The following MCTP2 variants were observed in gnomAD, a reference collection of about 807,000 sequenced individuals.
MCTP2 encodes multiple C2 and transmembrane domain-containing protein 2.
MCTP2 carries 132 observed loss-of-function variants against 111.6 expected under a neutral mutation model. That is an observed-to-expected ratio of 1.18 (90% CI 1.03 to 1.37). MCTP2 has a LOEUF of 1.37. Among genes scored for constraint, MCTP2 ranks in the 40% most tolerant of loss-of-function variants. The pLI, the probability that MCTP2 is intolerant of heterozygous loss-of-function variation, is 0.00. For missense variants in MCTP2, 1,183 were observed against 1,067.9 expected, an observed-to-expected ratio of 1.11 and a Z score of -1.50; for synonymous variants, 395 against 387.7, an observed-to-expected ratio of 1.02 and a Z score of -0.22.
chr15:94,409,882 TC>T (rs757159526), intron 17 of MCTP2, among the ~76,000 whole-genome samples: 1 of 125,174 alleles, frequency 8.0e-6, no homozygotes, highest in African/African-American at 3.0e-5. Flanking sequence ...CCCCTCCCTT[TC>T]CCCCTCCCTC....
chr15:94,255,537 T>C lies in MCTP2; in HGVS notation c.-66+23873T>C, dbSNP rs115086718. Among the ~76,000 whole-genome samples, 480 of 152,268 alleles carry C rather than the reference T, an allele frequency of 3.2e-3. 4 individuals carry two copies. The highest frequency in any genetic ancestry group is 9.8e-3 in the African/African-American group (407 of 41,526). On this transcript the variant is annotated intron_variant, in intron 1 of 22. Transcript: ENST00000357742. ...TTTATGCATACTTGCCTTTCTTGAG[T>C]AGTGATAAATCCTATTTACATAAAG...
intron 2 of MCTP2, among the ~76,000 whole-genome samples, chr15:94,305,079 G>T (rs1468582511): frequency 6.6e-6 from 1 of 152,078 alleles, no homozygotes; most frequent in East Asian, 1.9e-4. Context: ...CCCAGACCAA[G>T]TTCTTATGTT....
intron 8 of MCTP2, among the ~76,000 whole-genome samples, chr15:94,355,194 T>C (rs1458630038): frequency 6.6e-6 from 1 of 152,218 alleles, no homozygotes; most frequent in Non-Finnish European, 1.5e-5. Context: ...GTTAACGCCA[T>C]TGAGTGTGAT....
At chr15:94,451,222 A>T (rs1433209352) in intron 19 of MCTP2, among the ~76,000 whole-genome samples, 1 of 152,202 alleles carries the variant, frequency 6.6e-6, no homozygotes, top group Non-Finnish European at 1.5e-5. Context: ...CATATGATAT[A>T]TATTTTTAGG....
Position 94,398,967 on chromosome 15 carries a change from G to T in MCTP2, c.1795G>T (p.Asp599Tyr), listed in dbSNP as rs2152472072. Residue 599 changes from aspartate (D) to tyrosine (Y), a missense_variant, in exon 15 of 23, where the codon GAT becomes TAT. By Grantham distance (160) the Asp-to-Tyr change is radical. Transcript: ENST00000357742. Reference sequence around the variant, plus strand: ...TGTCTTTTGTTTGTGACAGATTAGAGATGGACAACCGAATTGTTATGTACT... The same window carrying T: ...TGTCTTTTGTTTGTGACAGATTAGATATGGACAACCGAATTGTTATGTACT... ...KVAIPLLSIR[D>Y]GQPNCYVLKN... 1 of 1,542,632 alleles carries T rather than the reference G, an allele frequency of 6.5e-7. No homozygotes were observed. Among genetic ancestry groups the T allele is most frequent in the Non-Finnish European group, 9.0e-7 (1 of 1,116,402 alleles).
intron 19 of MCTP2, among the ~76,000 whole-genome samples, chr15:94,453,941 G>A (rs1376841025): frequency 6.6e-6 from 1 of 152,098 alleles, no homozygotes; most frequent in Non-Finnish European, 1.5e-5. Context: ...TCTCTGTGGA[G>A]CATGACTTTT....
chr15:94,257,331 T>C (rs1207441636), intron 1 of MCTP2, among the ~76,000 whole-genome samples: 55 of 152,010 alleles, frequency 3.6e-4, no homozygotes, highest in Admixed American at 3.6e-3. Context: ...ACTGAGTTGA[T>C]GAATTTGTAA....
At chr15:94,266,682 C>CAGA (rs2073555774) in intron 1 of MCTP2, among the ~76,000 whole-genome samples, 1 of 152,138 alleles carries the variant, frequency 6.6e-6, no homozygotes, top group African/African-American at 2.4e-5. Context: ...AGAGGCAAGG[C>CAGA]AGAGAGCCCA....
At chr15:94,416,320 C>T (rs898097989) in intron 17 of MCTP2, among the ~76,000 whole-genome samples, 1 of 151,958 alleles carries the variant, frequency 6.6e-6, no homozygotes, top group Non-Finnish European at 1.5e-5. Flanking sequence ...CGGCTGACGG[C>T]ACTGTATTTT....
At chr15:94,421,094 A>T (rs796713922) in intron 17 of MCTP2, among the ~76,000 whole-genome samples, 2 of 143,074 alleles carry the variant, frequency 1.4e-5, no homozygotes, top group African/African-American at 2.6e-5. Flanking sequence ...GGATGATAGT[A>T]TTTTTTTTTT....
chr15:94,298,959 CT>C (rs1334278434), intron 2 of MCTP2, among the ~76,000 whole-genome samples: 4 of 9,848 alleles, frequency 4.1e-4, no homozygotes, highest in African/African-American at 7.7e-4. Context: ...CTCTCCCTCT[CT>C]CCCTCTCTCC....
At chr15:94,390,088 A>ATATATATG (rs1567602788) in intron 14 of MCTP2, among the ~76,000 whole-genome samples, 3 of 10,892 alleles carry the variant, frequency 2.8e-4, no homozygotes, top group African/African-American at 5.8e-4. Flanking sequence ...ATATATATAT[A>ATATATATG]TGTATATATA....
At chr15:94,331,699 A>T (rs748966844) in intron 4 of MCTP2, among the ~76,000 whole-genome samples, 1 of 152,192 alleles carries the variant, frequency 6.6e-6, no homozygotes, top group Non-Finnish European at 1.5e-5. Flanking sequence ...CTTCCAGTAA[A>T]TTGGACTTTG....
At chr15:94,347,039 T>A (rs938052807) in intron 8 of MCTP2, among the ~76,000 whole-genome samples, 16 of 152,196 alleles carry the variant, frequency 1.1e-4, no homozygotes, top group Non-Finnish European at 1.5e-4. Context: ...TTTACTTTAT[T>A]AATTTTTGAA....
intron 14 of MCTP2, among the ~76,000 whole-genome samples, chr15:94,396,739 A>G (rs182635697): frequency 1.4e-4 from 22 of 152,278 alleles, no homozygotes; most frequent in Admixed American, 7.2e-4. Context: ...TATTCCTTGT[A>G]GCAGACAAAC....
rs1256862150 is a variant in MCTP2, at chr15:94,231,758, G to C, written c.-66+94G>C. On this transcript the variant is annotated intron_variant, in intron 1 of 22. Transcript: ENST00000357742. The stretch of plus-strand genomic sequence containing the variant: ...GGCGTCTTCTCTCAACCGAAGCTGG[G>C]AGTTGGGGAGCTGGAGGGTCCAGGA... 2.6e-5 allele frequency: 4 copies of C among 152,900 alleles called. No homozygotes were observed. The East Asian group carries it at 7.7e-4, about 29-fold the overall frequency. 9.5% of individuals were successfully genotyped at this position (152,900 alleles called of 1,614,324 possible).
chr15:94,368,803 A>C (rs1474938695), intron 11 of MCTP2, among the ~76,000 whole-genome samples: 2 of 152,220 alleles, frequency 1.3e-5, no homozygotes, highest in African/African-American at 2.4e-5. Flanking sequence ...AATTTACCAA[A>C]TTCATGAGGA....
chr15:94,293,250 A>G (rs1328121939), intron 1 of MCTP2, among the ~76,000 whole-genome samples: 2 of 152,186 alleles, frequency 1.3e-5, no homozygotes, highest in African/African-American at 4.8e-5. Context: ...TGCAAAAGGC[A>G]CTACTAAGAA....
At chr15:94,299,013 C>G (rs1285122216) in intron 2 of MCTP2, among the ~76,000 whole-genome samples, 3 of 94,126 alleles carry the variant, frequency 3.2e-5, no homozygotes, top group East Asian at 8.9e-4. Context: ...CTCTCTCCCT[C>G]TCTCCCTCCC....
Sources: allele counts gnomAD v4.1 joint callset (sites outside exome capture counted in the v4.1 genomes callset), GRCh38; gene constraint gnomAD v4.1.1; transcripts MANE v1.5; gene names NCBI Gene and HGNC (gene_info 2026-07-23, HGNC 2026-07-21).